Variants in MARCHF1 observed in about 807,000 individuals in gnomAD.
MARCHF1 encodes the protein E3 ubiquitin-protein ligase MARCHF1.
A neutral mutation model predicts 54.2 loss-of-function variants in MARCHF1; 40 were observed. The observed-to-expected ratio is 0.74, with a 90% CI of 0.57 to 0.96. The LOEUF (loss-of-function observed/expected upper bound fraction) is 0.96. Ranked by LOEUF, MARCHF1 falls within the 40% of genes least tolerant of loss-of-function variation. The probability of loss-of-function intolerance (pLI) is 0.00; values close to 1 mark genes in which losing one functional copy is unlikely to be tolerated. For missense variants in MARCHF1, 586 were observed against 656.5 expected, an observed-to-expected ratio of 0.89 and a Z score of 1.17; for synonymous variants, 236 against 236.3, an observed-to-expected ratio of 1.00 and a Z score of 0.01.
intron 3 of MARCHF1, among the ~76,000 whole-genome samples, chr4:163,956,228 CTCAAA>C (rs1752230420): frequency 1.3e-5 from 2 of 152,110 alleles, no homozygotes; most frequent in African/African-American, 4.8e-5. Context: ...AGAAAGTCTG[CTCAAA>C]TCATAGTCTC....
intron 2 of MARCHF1, chr4:163,989,012 T>C (rs1362819428): frequency 6.6e-6 from 1 of 152,190 alleles, no homozygotes; most frequent in Non-Finnish European, 1.5e-5. Flanking sequence ...AACTGCTTCC[T>C]TTAATGGCAC....
chr4:164,040,690 T>A (rs1409474575), intron 2 of MARCHF1, among the ~76,000 whole-genome samples: 2 of 151,916 alleles, frequency 1.3e-5, no homozygotes. Context: ...TGGCAATGTT[T>A]TCCTGTTTCC....
intron 3 of MARCHF1, among the ~76,000 whole-genome samples, chr4:163,881,244 G>A (rs1041392008): frequency 2.0e-5 from 3 of 152,170 alleles, no homozygotes; most frequent in Non-Finnish European, 2.9e-5. Context: ...GGAGGCCGAG[G>A]CGGGCGGATT....
chr4:164,032,509 G>A (rs1753900048), intron 2 of MARCHF1, among the ~76,000 whole-genome samples: 1 of 152,120 alleles, frequency 6.6e-6, no homozygotes. Context: ...CTTTAGCTGT[G>A]TCTCAGAGAT....
At chr4:164,330,056 T>A (rs1240176241) in intron 1 of MARCHF1, 1 of 151,294 alleles carries the variant, frequency 6.6e-6, no homozygotes, top group Non-Finnish European at 1.5e-5. Context: ...TTCCAGTATG[T>A]CCCTTTGGGT....
At chr4:164,345,230 T>C (rs1393344658) in intron 1 of MARCHF1, among the ~76,000 whole-genome samples, 1 of 152,168 alleles carries the variant, frequency 6.6e-6, no homozygotes, top group African/African-American at 2.4e-5. Flanking sequence ...AACATTACGA[T>C]GTACTCCATG....
chr4:164,297,502 A>G (rs1411796441), intron 1 of MARCHF1, among the ~76,000 whole-genome samples: 19 of 152,192 alleles, frequency 1.2e-4, no homozygotes, highest in Admixed American at 1.2e-3. Flanking sequence ...ATAGCTGATC[A>G]GTACTCCTCA....
chr4:164,121,811 GAGA>G (rs899862096), intron 1 of MARCHF1, among the ~76,000 whole-genome samples: 23 of 151,960 alleles, frequency 1.5e-4, no homozygotes, highest in Admixed American at 3.9e-4. Context: ...TCAAAAACTA[GAGA>G]AGGAGAGATT....
chr4:163,542,307 C>T (rs1339072861), intron 9 of MARCHF1, among the ~76,000 whole-genome samples: 1 of 152,186 alleles, frequency 6.6e-6, no homozygotes, highest in Admixed American at 6.5e-5. Context: ...ACAGTGTTGA[C>T]CGGACTACTT....
At chr4:164,065,237 C>T (rs1010992225) in intron 2 of MARCHF1, among the ~76,000 whole-genome samples, 6 of 152,242 alleles carry the variant, frequency 3.9e-5, no homozygotes, top group Non-Finnish European at 5.9e-5. Flanking sequence ...ACTAGTTCCT[C>T]TTTGCACATC....
chr4:164,299,227 T>C (rs1269913473), intron 1 of MARCHF1, among the ~76,000 whole-genome samples: 1 of 152,120 alleles, frequency 6.6e-6, no homozygotes, highest in African/African-American at 2.4e-5. Context: ...AGCTTTCTTC[T>C]CTCCATTAAA....
At position 163,855,971 on chromosome 4, in the gene MARCHF1, A is replaced by G. The variant is rs1474432522; in HGVS notation, c.-38-1802T>C. On this transcript the variant is annotated intron_variant, in intron 3 of 9. Transcript: ENST00000514618. ...TTTTGATGTGATTTGGGTTCAGTGCATCGATCTATTCTAGAGAATTTTAAA... is the reference window on the plus strand; with the variant it reads ...TTTTGATGTGATTTGGGTTCAGTGCGTCGATCTATTCTAGAGAATTTTAAA... Among the ~76,000 whole-genome samples, 8 of 152,330 alleles carry G rather than the reference A, an allele frequency of 5.3e-5. No homozygotes were observed. In the South Asian group the frequency reaches 1.7e-3, roughly 32 times the overall value.
At chr4:163,873,889 A>AC (rs770582848) in intron 3 of MARCHF1, among the ~76,000 whole-genome samples, 1 of 152,102 alleles carries the variant, frequency 6.6e-6, no homozygotes, top group South Asian at 2.1e-4. Context: ...CTGGAATCGT[A>AC]CCCCTAAGAA....
At chr4:164,143,581 A>G (rs1385284308) in intron 1 of MARCHF1, among the ~76,000 whole-genome samples, 1 of 151,918 alleles carries the variant, frequency 6.6e-6, no homozygotes, top group Non-Finnish European at 1.5e-5. Context: ...TAAGCTTCAT[A>G]AGTGAAGGAG....
chr4:164,196,786 G>A (rs1334862600), intron 1 of MARCHF1, among the ~76,000 whole-genome samples: 2 of 152,030 alleles, frequency 1.3e-5, no homozygotes, highest in African/African-American at 4.8e-5. Context: ...AGTAAAAATA[G>A]TATTTTAGTC....
chr4:163,656,121 G>GT (rs34737010), intron 5 of MARCHF1, among the ~76,000 whole-genome samples: 50,670 of 145,614 alleles, frequency 0.35, 9,919 homozygotes, highest in African/African-American at 0.54. Flanking sequence ...TCCAGGAGCT[G>GT]TTTTTTTTTT....
chr4:163,881,459 G>A (rs1432881909), intron 3 of MARCHF1, among the ~76,000 whole-genome samples: 4 of 151,026 alleles, frequency 2.6e-5, no homozygotes, highest in African/African-American at 9.7e-5. Flanking sequence ...CAACAAGAGC[G>A]AGACTCCATC....
At chr4:163,705,651 AG>A (rs1193959228) in intron 4 of MARCHF1, among the ~76,000 whole-genome samples, 1 of 151,998 alleles carries the variant, frequency 6.6e-6, no homozygotes, top group Non-Finnish European at 1.5e-5. Flanking sequence ...ATAAGCTCTA[AG>A]TAAAACAAGA....
At chr4:163,952,351 TTACTC>T (rs1255755249) in intron 3 of MARCHF1, among the ~76,000 whole-genome samples, 1 of 152,116 alleles carries the variant, frequency 6.6e-6, no homozygotes, top group Non-Finnish European at 1.5e-5. Flanking sequence ...TTTATAAAAT[TTACTC>T]TACACGCTAG....
Sources: allele counts gnomAD v4.1 joint callset (sites outside exome capture counted in the v4.1 genomes callset), GRCh38; gene constraint gnomAD v4.1.1; transcripts MANE v1.5; gene names NCBI Gene and HGNC (gene_info 2026-07-23, HGNC 2026-07-21).